CSMD1: variants seen among roughly 807,000 people sequenced by gnomAD.
CSMD1 encodes the protein CUB and sushi domain-containing protein 1.
A neutral mutation model predicts 417.5 loss-of-function variants in CSMD1; 213 were observed. The ratio of observed to expected loss-of-function variants is 0.51; its 90% CI spans 0.46 to 0.57. The LOEUF (loss-of-function observed/expected upper bound fraction) is 0.57. Among genes scored for constraint, CSMD1 ranks in the 20% least tolerant of loss-of-function variants. The pLI is 0.00. For missense variants in CSMD1, 6,923 were observed against 4,529.7 expected, an observed-to-expected ratio of 1.53 and a Z score of -15.17; for synonymous variants, 2,862 against 1,736.8, an observed-to-expected ratio of 1.65 and a Z score of -16.11.
chr8:4,620,278 C>A (rs1801696839), intron 2 of CSMD1, among the ~76,000 whole-genome samples: 1 of 151,416 alleles, frequency 6.6e-6, no homozygotes. Flanking sequence ...AAAGTCTGTT[C>A]TCCTGTAAGA....
At position 4,356,783 on chromosome 8, in the gene CSMD1, C is replaced by G. The variant is rs74616111; in HGVS notation, c.415+63170G>C. Among the ~76,000 whole-genome samples, 516 of 152,282 alleles carry G rather than the reference C, an allele frequency of 3.4e-3. 22 individuals are homozygous for G. The East Asian group carries it at 0.087, about 26-fold the overall frequency. On this transcript the variant is annotated intron_variant, in intron 3 of 69. Transcript: ENST00000635120. ...CTGGAACCGAGTTCTTCTCTCAAAG[C>G]AGTCTTGCAGGCCCAGCCCCTGACC...
At chr8:3,121,678 G>A (rs985330412) in intron 41 of CSMD1, among the ~76,000 whole-genome samples, 1 of 152,072 alleles carries the variant, frequency 6.6e-6, no homozygotes, top group East Asian at 1.9e-4. Flanking sequence ...TCATGCCTGT[G>A]GTCCCAGTTA....
At chr8:3,766,784 C>T (rs1263707593) in intron 5 of CSMD1, among the ~76,000 whole-genome samples, 2 of 151,892 alleles carry the variant, frequency 1.3e-5, no homozygotes, top group African/African-American at 4.8e-5. Flanking sequence ...CATTTTTCTC[C>T]TTAATCTTGG....
At chr8:3,659,118 A>G (rs1350533400) in intron 7 of CSMD1, among the ~76,000 whole-genome samples, 1 of 152,224 alleles carries the variant, frequency 6.6e-6, no homozygotes, top group Non-Finnish European at 1.5e-5. Flanking sequence ...TTACATAGAT[A>G]GCACATAAAT....
chr8:4,908,880 A>T (rs558280779), intron 1 of CSMD1, among the ~76,000 whole-genome samples: 4 of 152,250 alleles, frequency 2.6e-5, no homozygotes, highest in South Asian at 4.1e-4. Context: ...ATTGTTCTAA[A>T]TTCCCTGACT....
chr8:4,921,068 GAGAAAGAAAAAGAA>G (rs985584943), intron 1 of CSMD1, among the ~76,000 whole-genome samples: 2 of 139,326 alleles, frequency 1.4e-5, no homozygotes, highest in African/African-American at 5.4e-5. Flanking sequence ...AGAAAAGAAA[GAGAAAGAAAAAGAA>G]AGAAAGAAAA....
chr8:4,162,128 ATAAAC>A (rs1244324078), intron 3 of CSMD1, among the ~76,000 whole-genome samples: 1 of 152,218 alleles, frequency 6.6e-6, no homozygotes, highest in Non-Finnish European at 1.5e-5. Flanking sequence ...ATGATTCTAA[ATAAAC>A]TAAACCAGTG....
chr8:4,465,666 T>A (rs147003124), intron 2 of CSMD1, among the ~76,000 whole-genome samples: 1 of 152,124 alleles, frequency 6.6e-6, no homozygotes, highest in African/African-American at 2.4e-5. Flanking sequence ...ACTGGAGAGA[T>A]GAAATTCACT....
At chr8:4,023,520 C>T (rs963551392) in intron 4 of CSMD1, among the ~76,000 whole-genome samples, 1 of 151,736 alleles carries the variant, frequency 6.6e-6, no homozygotes, top group African/African-American at 2.4e-5. Flanking sequence ...CAGGCATACG[C>T]TTGGCTCTGT....
At chr8:3,307,645 G>T (rs1222352999) in intron 25 of CSMD1, 50 bp downstream of exon 25, 2 of 1,573,812 alleles carry the variant, frequency 1.3e-6, no homozygotes, top group Non-Finnish European at 8.7e-7. Flanking sequence ...TACAAGAATA[G>T]AAGGCATATC....
chr8:4,811,409 TGTTGA>T (rs1452611394), intron 1 of CSMD1, among the ~76,000 whole-genome samples: 7 of 152,152 alleles, frequency 4.6e-5, no homozygotes, highest in African/African-American at 1.7e-4. Flanking sequence ...TAATGTATTA[TGTTGA>T]ATCATATAAA....
intron 5 of CSMD1, among the ~76,000 whole-genome samples, chr8:3,860,715 T>C (rs572739609): frequency 1.3e-5 from 2 of 152,190 alleles, no homozygotes; most frequent in Non-Finnish European, 2.9e-5. Flanking sequence ...CTAAATGCAA[T>C]ACACGCTAAT....
intron 11 of CSMD1, among the ~76,000 whole-genome samples, chr8:3,473,578 A>G (rs1171684513): frequency 6.6e-6 from 1 of 152,218 alleles, no homozygotes; most frequent in Non-Finnish European, 1.5e-5. Flanking sequence ...TGCCCTTTGC[A>G]ACTGGTTATC....
intron 11 of CSMD1, among the ~76,000 whole-genome samples, chr8:3,478,997 C>T (rs1043585064): frequency 6.6e-6 from 1 of 152,004 alleles, no homozygotes; most frequent in Non-Finnish European, 1.5e-5. Flanking sequence ...ATCGCCTCAC[C>T]AACATCTCCC....
chr8:4,852,529 C>T (rs1341548853), intron 1 of CSMD1, among the ~76,000 whole-genome samples: 2 of 152,126 alleles, frequency 1.3e-5, no homozygotes, highest in Non-Finnish European at 2.9e-5. Context: ...TATAAGTTAC[C>T]TAGCCTTGGG....
At chr8:4,726,636 T>C (rs935882246) in intron 1 of CSMD1, among the ~76,000 whole-genome samples, 2 of 152,200 alleles carry the variant, frequency 1.3e-5, no homozygotes, top group Admixed American at 1.3e-4. Flanking sequence ...AATCATTATT[T>C]CAAGGTACTT....
At chr8:3,200,227 G>C (rs760860364) in intron 32 of CSMD1, among the ~76,000 whole-genome samples, 2 of 151,824 alleles carry the variant, frequency 1.3e-5, no homozygotes, top group South Asian at 4.1e-4. Flanking sequence ...AAAAGATTCA[G>C]AAAAGGCCTT....
intron 2 of CSMD1, among the ~76,000 whole-genome samples, chr8:4,635,894 T>C (rs538569327): frequency 4.1e-4 from 62 of 152,098 alleles, no homozygotes; most frequent in East Asian, 2.1e-3. Context: ...TTCTACTATG[T>C]ATGAAAGGTA....
At chr8:4,354,718 G>A (rs1801297163) in intron 3 of CSMD1, among the ~76,000 whole-genome samples, 1 of 152,092 alleles carries the variant, frequency 6.6e-6, no homozygotes, top group South Asian at 2.1e-4. Context: ...TGAAACACTT[G>A]TATTTATAAT....
Sources: allele counts gnomAD v4.1 joint callset (sites outside exome capture counted in the v4.1 genomes callset), GRCh38; gene constraint gnomAD v4.1.1; transcripts MANE v1.5; gene names NCBI Gene and HGNC (gene_info 2026-07-23, HGNC 2026-07-21).